The following LRRC4C variants were observed in gnomAD, a reference collection of about 807,000 sequenced individuals.
LRRC4C encodes the protein leucine-rich repeat-containing protein 4C.
In LRRC4C, 5 loss-of-function variants were observed where a neutral mutation model predicts 33.6. That is an observed-to-expected ratio of 0.15 (90% CI 0.08 to 0.31). The LOEUF is 0.31. LRRC4C is among the 10% of genes least tolerant of loss of function. The probability of loss-of-function intolerance (pLI) is 1.00; values close to 1 mark genes in which losing one functional copy is unlikely to be tolerated. For missense variants in LRRC4C, 560 were observed against 796.7 expected (o/e 0.70, Z 3.58); for synonymous variants, 329 against 302.0 (o/e 1.09, Z -0.93).
intron 1 of LRRC4C, among the ~76,000 whole-genome samples, chr11:41,155,330 C>T (rs1410676720): frequency 6.6e-6 from 1 of 152,016 alleles, no homozygotes; most frequent in Admixed American, 6.6e-5. Context: ...CTTGAAGTTC[C>T]CTTAGCAAGA....
rs117191340 is a variant in LRRC4C, at chr11:40,948,026, G to T, written c.-495-14303C>A. 1.3e-3 allele frequency among the ~76,000 whole-genome samples: 197 copies of T among 152,044 alleles called. 1 individual carries two copies. The East Asian group carries it at 0.033, about 26-fold the overall frequency. ...GAACTGATATCTCTTCCTTCATTTG[G>T]TGAAAAGTAGAATTCAGTCATCGCC... On this transcript the variant is annotated intron_variant, in intron 1 of 6. Coordinates refer to ENST00000528697, the MANE Select transcript of LRRC4C (RefSeq NM_001258419.2).
Position 40,114,999 on chromosome 11 carries a change from C to A in LRRC4C, c.1294G>T (p.Val432Phe), listed in dbSNP as rs368163511. Residue 432 changes from valine (V) to phenylalanine (F), a missense_variant, in exon 7 of 7, where the codon GTT (valine) becomes TTT (phenylalanine). Val to Phe is a conservative substitution (Grantham distance 50). Transcript: ENST00000528697. ...GTGGCTGAAGCAGTAGTATTCCCAA[C>A]GGAATTACTCACCATACATGTGTAC... Reference protein sequence around the residue: ...GMYTCMVSNSVGNTTASATLN... With the variant: ...GMYTCMVSNSFGNTTASATLN... 4 of 1,614,100 alleles carry A rather than the reference C, an allele frequency of 2.5e-6. No homozygotes were observed. In the Admixed American group the frequency reaches 5.0e-5, roughly 20 times the overall value.
At chr11:40,278,593 G>A (rs1441390712) in intron 4 of LRRC4C, among the ~76,000 whole-genome samples, 3 of 152,166 alleles carry the variant, frequency 2.0e-5, no homozygotes, top group Non-Finnish European at 4.4e-5. Flanking sequence ...TGCAGATGAA[G>A]TTGTTCCACT....
intron 1 of LRRC4C, among the ~76,000 whole-genome samples, chr11:41,243,640 G>C (rs1029578622): frequency 3.3e-5 from 5 of 152,082 alleles, no homozygotes; most frequent in Non-Finnish European, 7.4e-5. Context: ...TTGCCCTTCT[G>C]TTTCCTGGAA....
chr11:40,899,309 A>T (rs1956107488), intron 2 of LRRC4C, among the ~76,000 whole-genome samples: 1 of 152,172 alleles, frequency 6.6e-6, no homozygotes, highest in Non-Finnish European at 1.5e-5. Context: ...AGTTTTCTCC[A>T]GTGGAATAAG....
At chr11:41,161,721 T>G (rs1039338330) in intron 1 of LRRC4C, among the ~76,000 whole-genome samples, 1 of 152,242 alleles carries the variant, frequency 6.6e-6, no homozygotes. Flanking sequence ...ACAGTTCATC[T>G]TATGTGCATG....
At chr11:41,078,565 G>A (rs745762775) in intron 1 of LRRC4C, among the ~76,000 whole-genome samples, 3 of 152,218 alleles carry the variant, frequency 2.0e-5, no homozygotes, top group South Asian at 2.1e-4. Context: ...GAGAGAGAGC[G>A]AGCAAAGGGG....
intron 2 of LRRC4C, among the ~76,000 whole-genome samples, chr11:40,853,023 G>A (rs768260622): frequency 5.3e-5 from 8 of 152,178 alleles, no homozygotes; most frequent in South Asian, 2.1e-4. Context: ...ATGCTGAACC[G>A]CATGTAAGAT....
At chr11:41,302,796 C>A (rs554124550) in intron 1 of LRRC4C, among the ~76,000 whole-genome samples, 1 of 152,152 alleles carries the variant, frequency 6.6e-6, no homozygotes, top group Non-Finnish European at 1.5e-5. Flanking sequence ...ACCCTAAATT[C>A]GTGATCTAAG....
At chr11:40,338,405 A>G (rs1946723855) in intron 3 of LRRC4C, among the ~76,000 whole-genome samples, 1 of 152,212 alleles carries the variant, frequency 6.6e-6, no homozygotes, top group South Asian at 2.1e-4. Context: ...TATTTGGAGT[A>G]TTTATCAAAC....
chr11:40,977,698 T>G (rs776739231), intron 1 of LRRC4C, among the ~76,000 whole-genome samples: 1 of 152,224 alleles, frequency 6.6e-6, no homozygotes, highest in African/African-American at 2.4e-5. Flanking sequence ...TTCTGCTTTA[T>G]AGCTTTATTT....
At chr11:41,094,895 A>C (rs1265613351) in intron 1 of LRRC4C, among the ~76,000 whole-genome samples, 1 of 152,176 alleles carries the variant, frequency 6.6e-6, no homozygotes, top group Non-Finnish European at 1.5e-5. Flanking sequence ...TCTGTCTAAA[A>C]AGGTAGAGCT....
At chr11:40,503,866 A>G (rs1954902158) in intron 3 of LRRC4C, among the ~76,000 whole-genome samples, 1 of 152,128 alleles carries the variant, frequency 6.6e-6, no homozygotes, top group South Asian at 2.1e-4. Flanking sequence ...GATGCTTTTG[A>G]TACATTTGTG....
chr11:41,101,955 A>C (rs557648149), intron 1 of LRRC4C, among the ~76,000 whole-genome samples: 158 of 152,154 alleles, frequency 1.0e-3, no homozygotes, highest in Non-Finnish European at 1.9e-3. Flanking sequence ...CACAAAGAGG[A>C]AAGCAACAGG....
At chr11:41,407,980 TG>T (rs1954305675) in intron 1 of LRRC4C, among the ~76,000 whole-genome samples, 1 of 152,144 alleles carries the variant, frequency 6.6e-6, no homozygotes, top group African/African-American at 2.4e-5. Context: ...TAGTCCAGAT[TG>T]GGAAAGAGAA....
intron 1 of LRRC4C, among the ~76,000 whole-genome samples, chr11:40,968,933 T>C (rs1851533378): frequency 6.6e-6 from 1 of 152,164 alleles, no homozygotes; most frequent in Non-Finnish European, 1.5e-5. Flanking sequence ...AGACGTTTTA[T>C]TTAAGAAACA....
At chr11:41,085,093 C>A (rs1274247437) in intron 1 of LRRC4C, among the ~76,000 whole-genome samples, 1 of 152,182 alleles carries the variant, frequency 6.6e-6, no homozygotes, top group Admixed American at 6.5e-5. Flanking sequence ...AGTCTTTGCT[C>A]ATAATGACAC....
intron 2 of LRRC4C, among the ~76,000 whole-genome samples, chr11:40,787,262 G>T (rs572322886): frequency 5.1e-5 from 6 of 116,528 alleles, no homozygotes; most frequent in Admixed American, 2.3e-4. Flanking sequence ...ATTGCCAACT[G>T]GGGGGGGTAG....
At chr11:40,556,684 T>C (rs1385167833) in intron 3 of LRRC4C, among the ~76,000 whole-genome samples, 2 of 151,818 alleles carry the variant, frequency 1.3e-5, no homozygotes, top group African/African-American at 4.8e-5. Context: ...CCATAAAGAG[T>C]TGTCAATGTG....
Sources: allele counts gnomAD v4.1 joint callset (sites outside exome capture counted in the v4.1 genomes callset), GRCh38; gene constraint gnomAD v4.1.1; transcripts MANE v1.5; gene names NCBI Gene and HGNC (gene_info 2026-07-23, HGNC 2026-07-21).